Variants in AKAP6 observed in about 807,000 individuals in gnomAD.
AKAP6 encodes the protein A-kinase anchor protein 6.
AKAP6 carries 58 observed loss-of-function variants against 188.5 expected under a neutral mutation model. That is an observed-to-expected ratio of 0.31 (90% CI 0.25 to 0.38). The LOEUF (loss-of-function observed/expected upper bound fraction) is 0.38, where lower values mean the gene tolerates loss of function less well. AKAP6 is among the 10% of genes least tolerant of loss of function. The pLI is 1.00. For missense variants in AKAP6, 2,710 were observed against 2,740.0 expected, an observed-to-expected ratio of 0.99 and a Z score of 0.24; for synonymous variants, 989 against 998.6, an observed-to-expected ratio of 0.99 and a Z score of 0.18.
chr14:32,354,726 C>G (rs529794681), intron 1 of AKAP6, among the ~76,000 whole-genome samples: 1 of 152,176 alleles, frequency 6.6e-6, no homozygotes, highest in Admixed American at 6.5e-5. Flanking sequence ...CTCTGCCTTA[C>G]TTTAAGTCAG....
intron 1 of AKAP6, chr14:32,375,937 C>G: frequency 6.6e-6 from 1 of 152,170 alleles, no homozygotes; most frequent in East Asian, 1.9e-4. Context: ...GTCTTCTTCA[C>G]TTACTTAAGA....
At chr14:32,615,916 T>C (rs1886559376) in intron 7 of AKAP6, among the ~76,000 whole-genome samples, 1 of 152,106 alleles carries the variant, frequency 6.6e-6, no homozygotes, top group Admixed American at 6.5e-5. Context: ...TTTTAACCTC[T>C]TCTCAACTTA....
chr14:32,679,473 A>G (rs189957938), intron 8 of AKAP6, among the ~76,000 whole-genome samples: 15 of 152,300 alleles, frequency 9.8e-5, no homozygotes, highest in Admixed American at 4.6e-4. Context: ...TAGCCAAAAT[A>G]TTTCTTAAAG....
chr14:32,695,367 GC>G (rs1428685300), intron 8 of AKAP6, among the ~76,000 whole-genome samples: 12 of 152,264 alleles, frequency 7.9e-5, no homozygotes, highest in African/African-American at 2.9e-4. Flanking sequence ...ATATATGTTT[GC>G]AGAGATAGGC....
intron 1 of AKAP6, among the ~76,000 whole-genome samples, chr14:32,333,026 T>C (rs1221756206): frequency 6.6e-6 from 1 of 152,168 alleles, no homozygotes; most frequent in African/African-American, 2.4e-5. Context: ...AGCATGTTGA[T>C]ATTGATTCCT....
chr14:32,706,360 C>A (rs1890811499), intron 9 of AKAP6, among the ~76,000 whole-genome samples: 1 of 152,120 alleles, frequency 6.6e-6, no homozygotes, highest in Admixed American at 6.6e-5. Context: ...TTCTTAAGCA[C>A]CTCAATACCC....
At chr14:32,431,805 C>T (rs548603407) in intron 1 of AKAP6, among the ~76,000 whole-genome samples, 5 of 152,330 alleles carry the variant, frequency 3.3e-5, no homozygotes, top group South Asian at 4.1e-4. Flanking sequence ...TGAGCCACCA[C>T]GTCTGGCCTT....
At chr14:32,379,566 C>T (rs866220004) in intron 1 of AKAP6, among the ~76,000 whole-genome samples, 10 of 152,172 alleles carry the variant, frequency 6.6e-5, no homozygotes, top group African/African-American at 2.2e-4. Flanking sequence ...CTTCCTGCTT[C>T]TTTTCCTTTC....
In AKAP6 at chr14:32,602,159, C is replaced by T. The variant is rs536063684; in HGVS notation, c.2730+1367C>T. On this transcript the variant is annotated intron_variant, in intron 7 of 13. Coordinates refer to ENST00000280979, the MANE Select transcript of AKAP6 (RefSeq NM_004274.5). ...ACTCGGAGCTATTTTAAGGAGTAGG[C>T]TGTAGGGAGAAGTTCACTGGGCTAA... Among the ~76,000 whole-genome samples, 9 of 152,202 alleles carry T rather than the reference C, an allele frequency of 5.9e-5. No homozygotes were observed. In the South Asian group the frequency reaches 1.9e-3, roughly 32 times the overall value.
chr14:32,629,951 C>T lies in AKAP6; in HGVS notation c.2730+29159C>T, dbSNP rs983766. Among the ~76,000 whole-genome samples the T allele has an allele frequency of 2.6e-5, 4 of 151,924 alleles. No homozygotes were observed. The South Asian group carries it at 8.3e-4, about 32-fold the overall frequency. On this transcript the variant is annotated intron_variant, in intron 7 of 13. Coordinates refer to ENST00000280979, the MANE Select transcript of AKAP6 (RefSeq NM_004274.5). Reference sequence around the variant, plus strand: ...AGAATGATAATACTCTGCCATAATTCATTGACTTACTAAAGCGTTAGTTTG... The same window carrying T: ...AGAATGATAATACTCTGCCATAATTTATTGACTTACTAAAGCGTTAGTTTG...
chr14:32,672,382 A>G (rs1889241608), intron 7 of AKAP6, among the ~76,000 whole-genome samples: 2 of 152,180 alleles, frequency 1.3e-5, no homozygotes, highest in Admixed American at 6.5e-5. Context: ...AGCAGAAATT[A>G]TTTCTCACAG....
Position 32,732,500 on chromosome 14 carries a change from T to A in AKAP6, c.3047T>A (p.Leu1016Gln). 6.2e-7 allele frequency: 1 copy of A among 1,613,522 alleles called. No homozygotes were observed. The change falls in exon 10 of 14, where the codon CTG becomes CAG. Residue 1016 changes from leucine to glutamine, a missense_variant. Transcript: ENST00000280979. Reference sequence around the variant, plus strand: ...ATCAGACACCTGAAAAAGACGGAGCTGCTTAGTAAGGTTGAAGCTTTGAAG... The same window carrying A: ...ATCAGACACCTGAAAAAGACGGAGCAGCTTAGTAAGGTTGAAGCTTTGAAG... ...MSIRHLKKTE[L>Q]LSKVEALKKG...
At chr14:32,695,724 G>C (rs1224948827) in intron 8 of AKAP6, among the ~76,000 whole-genome samples, 1 of 152,096 alleles carries the variant, frequency 6.6e-6, no homozygotes, top group African/African-American at 2.4e-5. Flanking sequence ...CAAATCCTCA[G>C]AAAGGGTTAG....
At chr14:32,657,200 G>A (rs1305874298) in intron 7 of AKAP6, among the ~76,000 whole-genome samples, 3 of 152,142 alleles carry the variant, frequency 2.0e-5, no homozygotes, top group Non-Finnish European at 4.4e-5. Flanking sequence ...GTAACTTGGG[G>A]TATGGCTTTG....
intron 7 of AKAP6, among the ~76,000 whole-genome samples, chr14:32,640,463 C>T (rs1162357502): frequency 6.6e-6 from 1 of 152,102 alleles, no homozygotes; most frequent in African/African-American, 2.4e-5. Flanking sequence ...CAATTTTCTT[C>T]TCAACGTGTC....
intron 12 of AKAP6, among the ~76,000 whole-genome samples, chr14:32,795,286 G>T (rs1264432633): frequency 6.6e-6 from 1 of 152,144 alleles, no homozygotes; most frequent in East Asian, 1.9e-4. Context: ...CTCATTCCGT[G>T]AGGTCAGCAT....
At chr14:32,668,230 C>T (rs71419921) in intron 7 of AKAP6, among the ~76,000 whole-genome samples, 6 of 151,952 alleles carry the variant, frequency 3.9e-5, no homozygotes, top group Non-Finnish European at 8.8e-5. Flanking sequence ...ACATAAAATG[C>T]GGAATTTTTA....
At chr14:32,435,696 T>A (rs573816184) in intron 2 of AKAP6, among the ~76,000 whole-genome samples, 1 of 152,302 alleles carries the variant, frequency 6.6e-6, no homozygotes, top group Admixed American at 6.5e-5. Context: ...AGGGGATAAA[T>A]ATAAATTGTC....
intron 1 of AKAP6, among the ~76,000 whole-genome samples, chr14:32,355,694 A>G (rs1887459629): frequency 6.6e-6 from 1 of 152,180 alleles, no homozygotes; most frequent in African/African-American, 2.4e-5. Flanking sequence ...CTATTTCAAG[A>G]TAGCTTTAAT....
Sources: gnomAD v4.1 joint callset for allele counts (sites outside exome capture counted in the v4.1 genomes callset) on GRCh38, gnomAD v4.1.1 for gene constraint, MANE v1.5 for transcripts, NCBI Gene and HGNC (gene_info 2026-07-23, HGNC 2026-07-21) for gene names.